INSL6: variants seen among roughly 807,000 people sequenced by gnomAD.
INSL6 encodes insulin like 6.
In INSL6, 16 loss-of-function variants were observed where a neutral mutation model predicts 9.4. The observed-to-expected ratio is 1.70, with a 90% CI of 1.15 to 2.59. INSL6 has a LOEUF of 2.59. Ranked by LOEUF, INSL6 falls within the 30% of genes most tolerant of loss-of-function variation. The pLI, the probability that INSL6 is intolerant of heterozygous loss-of-function variation, is 0.00. For missense variants in INSL6, 391 were observed against 257.3 expected (o/e 1.52, Z -3.56); for synonymous variants, 154 against 96.9 (o/e 1.59, Z -3.46).
chr9:5,098,063 A>G, the INSL6 span: 1 of 152,192 alleles, frequency 6.6e-6, no homozygotes, highest in Non-Finnish European at 1.5e-5. Context: ...TATGCTAACA[A>G]TTTTTATAAT....
the INSL6 span, among the ~76,000 whole-genome samples, chr9:5,040,594 A>G: frequency 5.2e-5 from 8 of 152,394 alleles, no homozygotes; most frequent in East Asian, 1.2e-3. Context: ...TCCAGAATAT[A>G]AAAGAATTCT....
chr9:5,149,541 GA>G (rs1301827020), intron 2 of INSL6, among the ~76,000 whole-genome samples: 1 of 152,124 alleles, frequency 6.6e-6, no homozygotes, highest in African/African-American at 2.4e-5. Flanking sequence ...CTAAGGATAT[GA>G]AAGATCTCTA....
At chr9:5,045,702 C>T in the INSL6 span, among the ~76,000 whole-genome samples, 2 of 152,270 alleles carry the variant, frequency 1.3e-5, no homozygotes, top group African/African-American at 4.8e-5. Flanking sequence ...TTTCACTTAG[C>T]ATAATGTCTG....
At chr9:5,085,365 G>A in the INSL6 span, 2 of 904,878 alleles carry the variant, frequency 2.2e-6, no homozygotes, top group East Asian at 2.6e-5. Flanking sequence ...ACTGATAGGT[G>A]ATCTCATGCA....
the INSL6 span, among the ~76,000 whole-genome samples, chr9:5,061,048 T>C: frequency 6.6e-6 from 1 of 152,222 alleles, no homozygotes; most frequent in African/African-American, 2.4e-5. Context: ...TCTTTTTTTC[T>C]GAGCAGATCT....
At chr9:5,141,706 G>A (rs1824505140) in intron 2 of INSL6, among the ~76,000 whole-genome samples, 1 of 152,182 alleles carries the variant, frequency 6.6e-6, no homozygotes, top group African/African-American at 2.4e-5. Flanking sequence ...TTGCTGGGCA[G>A]AAGCTCTTTA....
the INSL6 span, among the ~76,000 whole-genome samples, chr9:4,996,854 A>G: frequency 6.6e-6 from 1 of 151,992 alleles, no homozygotes; most frequent in Non-Finnish European, 1.5e-5. Flanking sequence ...TATGGTGGTC[A>G]GTAAAAGTAA....
chr9:5,180,039 T>TG (rs1564057090), intron 1 of INSL6, among the ~76,000 whole-genome samples: 1 of 152,120 alleles, frequency 6.6e-6, no homozygotes, highest in East Asian at 1.9e-4. Context: ...CTCTTCAAAT[T>TG]AGTGTATATA....
chr9:5,088,841 CT>C, the INSL6 span, among the ~76,000 whole-genome samples: 13 of 152,064 alleles, frequency 8.5e-5, no homozygotes, highest in African/African-American at 3.1e-4. Flanking sequence ...GAGTTCCACC[CT>C]TATAACCTAA....
chr9:5,072,668 T>A, the INSL6 span: 1 of 1,470,670 alleles, frequency 6.8e-7, no homozygotes. Flanking sequence ...TTATGCTGTT[T>A]AAAGATGTGC....
the INSL6 span, chr9:5,055,861 A>T: frequency 7.4e-7 from 1 of 1,342,354 alleles, no homozygotes. Flanking sequence ...GAATCTTAGT[A>T]CCAAAATTAT....
chr9:5,121,432 T>C (rs1414570573), downstream of INSL6, among the ~76,000 whole-genome samples: 3 of 152,184 alleles, frequency 2.0e-5, no homozygotes, highest in Non-Finnish European at 2.9e-5. Flanking sequence ...ACTTTGCTAA[T>C]TGGCTTTATA....
intron 2 of INSL6, among the ~76,000 whole-genome samples, chr9:5,149,734 A>C (rs890078748): frequency 2.6e-5 from 4 of 152,162 alleles, no homozygotes; most frequent in African/African-American, 9.7e-5. Context: ...AGAAAAAAAA[A>C]TCCTAAAATT....
At chr9:5,103,267 A>T in the INSL6 span, among the ~76,000 whole-genome samples, 1 of 137,984 alleles carries the variant, frequency 7.2e-6, no homozygotes. Context: ...CAGGAGTTGC[A>T]ATCCCGGTCT....
chr9:5,093,205 C>T, the INSL6 span, among the ~76,000 whole-genome samples: 1 of 152,148 alleles, frequency 6.6e-6, no homozygotes, highest in Non-Finnish European at 1.5e-5. Flanking sequence ...ATTATTTATA[C>T]TGTTAATCCA....
At chr9:5,051,032 A>G in the INSL6 span, among the ~76,000 whole-genome samples, 1 of 152,200 alleles carries the variant, frequency 6.6e-6, no homozygotes, top group African/African-American at 2.4e-5. Flanking sequence ...TTACCAGTTG[A>G]GCACCCCTAA....
the INSL6 span, among the ~76,000 whole-genome samples, chr9:5,091,960 A>G: frequency 6.6e-5 from 10 of 152,016 alleles, no homozygotes; most frequent in Non-Finnish European, 1.3e-4. Flanking sequence ...TAGGGATAAT[A>G]CTGTTAGTGA....
At chr9:5,093,883 C>T in the INSL6 span, among the ~76,000 whole-genome samples, 1 of 152,002 alleles carries the variant, frequency 6.6e-6, no homozygotes, top group African/African-American at 2.4e-5. Context: ...CCAGAGTAAT[C>T]CAGGTTGGTT....
chr9:5,158,708 C>T (rs1824865336), intron 2 of INSL6, among the ~76,000 whole-genome samples: 1 of 152,000 alleles, frequency 6.6e-6, no homozygotes, highest in South Asian at 2.1e-4. Flanking sequence ...AGAAAAAATG[C>T]TGAGGAGCTG....
Sources: gnomAD v4.1 joint callset for allele counts (sites outside exome capture counted in the v4.1 genomes callset) on GRCh38, gnomAD v4.1.1 for gene constraint, MANE v1.5 for transcripts, NCBI Gene and HGNC (gene_info 2026-07-23, HGNC 2026-07-21) for gene names.